The following KCNQ5 variants were observed in gnomAD, a reference collection of about 807,000 sequenced individuals.
KCNQ5 encodes potassium voltage-gated channel subfamily KQT member 5.
KCNQ5 carries 30 observed loss-of-function variants against 98.2 expected under a neutral mutation model. That is an observed-to-expected ratio of 0.31 (90% CI 0.23 to 0.41). The LOEUF (loss-of-function observed/expected upper bound fraction) is 0.41, where lower values mean the gene tolerates loss of function less well. KCNQ5 is among the 10% of genes least tolerant of loss of function. KCNQ5 has a pLI of 1.00. For synonymous variants in KCNQ5, 458 were observed against 449.4 expected, an observed-to-expected ratio of 1.02 and a Z score of -0.24; for missense variants, 835 against 1,182.5, an observed-to-expected ratio of 0.71 and a Z score of 4.31.
At chr6:72,905,857 T>G (rs1779677429) in intron 1 of KCNQ5, among the ~76,000 whole-genome samples, 1 of 152,180 alleles carries the variant, frequency 6.6e-6, no homozygotes, top group South Asian at 2.1e-4. Context: ...TAATGCTCTA[T>G]CTTTATGCTG....
At chr6:72,945,319 T>G (rs1011379186) in intron 1 of KCNQ5, among the ~76,000 whole-genome samples, 5 of 152,092 alleles carry the variant, frequency 3.3e-5, no homozygotes, top group Admixed American at 3.3e-4. Context: ...TAGTTACATA[T>G]GTATACATGT....
chr6:72,995,364 G>A (rs1769242827), intron 1 of KCNQ5, among the ~76,000 whole-genome samples: 2 of 126,644 alleles, frequency 1.6e-5, no homozygotes, highest in Admixed American at 8.1e-5. Flanking sequence ...GCGAAACTCT[G>A]TCTCAAAAAA....
At chr6:72,777,358 T>A (rs1170897761) in intron 1 of KCNQ5, among the ~76,000 whole-genome samples, 2 of 151,028 alleles carry the variant, frequency 1.3e-5, no homozygotes, top group Admixed American at 1.3e-4. Context: ...GCAGGGGAGG[T>A]GGAGTCAATA....
chr6:72,891,169 C>A (rs954162054), intron 1 of KCNQ5, among the ~76,000 whole-genome samples: 1 of 152,162 alleles, frequency 6.6e-6, no homozygotes, highest in Non-Finnish European at 1.5e-5. Flanking sequence ...AATAACAAAT[C>A]ACATTACTCT....
intron 1 of KCNQ5, among the ~76,000 whole-genome samples, chr6:72,631,561 A>G (rs1038274836): frequency 1.3e-5 from 2 of 152,214 alleles, no homozygotes; most frequent in Non-Finnish European, 1.5e-5. Context: ...ATAAAGATCC[A>G]TCAGAAATTA....
chr6:72,697,653 T>C (rs559198748), intron 1 of KCNQ5, among the ~76,000 whole-genome samples: 45 of 152,252 alleles, frequency 3.0e-4, no homozygotes, highest in Non-Finnish European at 6.0e-4. Context: ...TCAAGAGAAT[T>C]ACAATAAAAT....
chr6:72,639,834 G>T (rs2098926234), intron 1 of KCNQ5, among the ~76,000 whole-genome samples: 1 of 152,096 alleles, frequency 6.6e-6, no homozygotes, highest in African/African-American at 2.4e-5. Context: ...TCTCCAAGCA[G>T]CTGGAGGTCT....
chr6:73,007,276 G>A (rs2150326022), intron 2 of KCNQ5, among the ~76,000 whole-genome samples: 1 of 152,288 alleles, frequency 6.6e-6, no homozygotes, highest in Non-Finnish European at 1.5e-5. Flanking sequence ...CTCCATAGAA[G>A]CAGTGGAGCA....
intron 10 of KCNQ5, among the ~76,000 whole-genome samples, chr6:73,168,573 C>T (rs550169791): frequency 1.3e-4 from 20 of 152,204 alleles, no homozygotes; most frequent in African/African-American, 4.1e-4. Context: ...TGTGGTGGTG[C>T]GGTCCTGTAA....
intron 5 of KCNQ5, among the ~76,000 whole-genome samples, chr6:73,080,234 T>G (rs1426198298): frequency 6.6e-6 from 1 of 152,194 alleles, no homozygotes; most frequent in Non-Finnish European, 1.5e-5. Context: ...TTGATTTGCC[T>G]TTCAGTTCTG....
chr6:72,887,809 G>GA (rs960060117), intron 1 of KCNQ5, among the ~76,000 whole-genome samples: 3 of 151,166 alleles, frequency 2.0e-5, no homozygotes, highest in Non-Finnish European at 4.4e-5. Context: ...CTAAGAAGAG[G>GA]AAAAAAAACC....
At chr6:72,928,623 A>G (rs766478799) in intron 1 of KCNQ5, among the ~76,000 whole-genome samples, 1 of 152,066 alleles carries the variant, frequency 6.6e-6, no homozygotes, top group Non-Finnish European at 1.5e-5. Context: ...CTTTCTTTAA[A>G]TAAGCCTTAT....
At chr6:72,871,479 A>G (rs1380508515) in intron 1 of KCNQ5, among the ~76,000 whole-genome samples, 3 of 152,208 alleles carry the variant, frequency 2.0e-5, no homozygotes, top group Non-Finnish European at 2.9e-5. Flanking sequence ...AATCTGTTAA[A>G]TAAACAAACG....
rs573946748 is a variant in KCNQ5 at position 72,852,465 on chromosome 6, T to G, written c.399-151443T>G. 1.1e-4 allele frequency among the ~76,000 whole-genome samples: 17 copies of G among 150,726 alleles called. 2 individuals carry two copies. The South Asian group carries it at 3.6e-3, about 32-fold the overall frequency. ...TGAAATCCTGTCATTTGCAACAACA[T>G]GGATGGAACTGGAGGCCATTATGTT... On this transcript the variant is annotated intron_variant, in intron 1 of 13. Coordinates refer to ENST00000370398, the MANE Select transcript of KCNQ5 (RefSeq NM_019842.4).
intron 1 of KCNQ5, among the ~76,000 whole-genome samples, chr6:72,665,038 A>G (rs1766728027): frequency 6.6e-6 from 1 of 152,170 alleles, no homozygotes; most frequent in African/African-American, 2.4e-5. Context: ...TTTTGAGAAT[A>G]AAATAAAGCC....
chr6:72,882,853 GA>G, intron 1 of KCNQ5, among the ~76,000 whole-genome samples: 1 of 152,262 alleles, frequency 6.6e-6, no homozygotes, highest in East Asian at 1.9e-4. Context: ...AGAATACATG[GA>G]AGTTTGACAA....
At chr6:72,914,862 T>TG (rs1221497630) in intron 1 of KCNQ5, among the ~76,000 whole-genome samples, 1 of 151,418 alleles carries the variant, frequency 6.6e-6, no homozygotes, top group Admixed American at 6.6e-5. Flanking sequence ...GGGGTGGAGG[T>TG]GGGAGCCTTT....
intron 1 of KCNQ5, among the ~76,000 whole-genome samples, chr6:72,889,098 G>T (rs1778959775): frequency 1.3e-5 from 2 of 152,316 alleles, no homozygotes; most frequent in East Asian, 1.9e-4. Context: ...GCAAAGAAAA[G>T]ATTACAATTT....
chr6:72,887,413 T>G (rs755509430), intron 1 of KCNQ5, among the ~76,000 whole-genome samples: 17 of 151,970 alleles, frequency 1.1e-4, no homozygotes, highest in Non-Finnish European at 1.6e-4. Context: ...TTCAATCACC[T>G]CCCACCATGA....
Sources: gnomAD v4.1 joint callset for allele counts (sites outside exome capture counted in the v4.1 genomes callset) on GRCh38, gnomAD v4.1.1 for gene constraint, MANE v1.5 for transcripts, NCBI Gene and HGNC (gene_info 2026-07-23, HGNC 2026-07-21) for gene names.